Variants in GPC5 observed in about 807,000 individuals in gnomAD.
GPC5 encodes the protein glypican 5.
GPC5 carries 47 observed loss-of-function variants against 53.9 expected under a neutral mutation model. The ratio of observed to expected loss-of-function variants is 0.87; its 90% CI spans 0.69 to 1.11. GPC5 has a LOEUF of 1.11. Ranked by LOEUF, GPC5 falls within the 50% of genes most tolerant of loss-of-function variation. GPC5 has a pLI of 0.00. For missense variants in GPC5, 748 were observed against 713.1 expected (o/e 1.05, Z -0.56); for synonymous variants, 286 against 263.3 (o/e 1.09, Z -0.84).
chr13:91,663,479 AC>A (rs1594397433), intron 2 of GPC5, among the ~76,000 whole-genome samples: 1 of 152,026 alleles, frequency 6.6e-6, no homozygotes, highest in East Asian at 1.9e-4. Flanking sequence ...CTTTTTAGAG[AC>A]AGGGTCTCAC....
chr13:92,083,214 C>T (rs1380078190), intron 6 of GPC5, among the ~76,000 whole-genome samples: 1 of 152,108 alleles, frequency 6.6e-6, no homozygotes, highest in Non-Finnish European at 1.5e-5. Context: ...GGGATTCTAG[C>T]TTTGTCTGCT....
At chr13:91,428,492 A>C (rs80219323) in intron 1 of GPC5, among the ~76,000 whole-genome samples, 5,454 of 152,314 alleles carry the variant, frequency 0.036, 143 homozygotes, top group Middle Eastern at 0.068. Context: ...CCCAGGACCA[A>C]TCAGGGGCTG....
intron 6 of GPC5, among the ~76,000 whole-genome samples, chr13:92,018,272 C>A (rs1346163469): frequency 6.6e-6 from 1 of 151,792 alleles, no homozygotes; most frequent in East Asian, 1.9e-4. Flanking sequence ...TCCATAATAT[C>A]CTCAGATTAT....
At chr13:91,954,153 A>G (rs575002686) in intron 6 of GPC5, among the ~76,000 whole-genome samples, 1 of 152,320 alleles carries the variant, frequency 6.6e-6, no homozygotes, top group Admixed American at 6.5e-5. Context: ...AGGTTTTGCA[A>G]CCATTTTAGG....
chr13:91,572,457 A>G (rs1032616237), intron 2 of GPC5, among the ~76,000 whole-genome samples: 2 of 152,120 alleles, frequency 1.3e-5, no homozygotes. Context: ...GTGTAGTGCC[A>G]GCATCTGCTT....
intron 5 of GPC5, among the ~76,000 whole-genome samples, chr13:91,875,048 T>A (rs1391795874): frequency 1.3e-5 from 2 of 152,176 alleles, no homozygotes; most frequent in African/African-American, 4.8e-5. Context: ...TCAGGTAATC[T>A]CAAATCTCCA....
chr13:92,499,074 G>A (rs914359530), intron 7 of GPC5, among the ~76,000 whole-genome samples: 2 of 151,980 alleles, frequency 1.3e-5, no homozygotes, highest in Admixed American at 6.6e-5. Context: ...AAGAAAAATA[G>A]AGAGGATCCT....
chr13:91,400,818 T>A (rs1326680727), intron 1 of GPC5, among the ~76,000 whole-genome samples: 1 of 152,216 alleles, frequency 6.6e-6, no homozygotes, highest in East Asian at 1.9e-4. Flanking sequence ...AGATGAACTT[T>A]CCAGAGTATC....
chr13:91,725,175 TG>T (rs1375008113), intron 3 of GPC5: 2 of 152,178 alleles, frequency 1.3e-5, no homozygotes, highest in Non-Finnish European at 2.9e-5. Flanking sequence ...CAAGGTGAGA[TG>T]GGAACTTGAA....
chr13:92,410,194 T>C (rs1480040269), intron 7 of GPC5, among the ~76,000 whole-genome samples: 2 of 152,144 alleles, frequency 1.3e-5, no homozygotes, highest in Non-Finnish European at 2.9e-5. Context: ...AGGGTTTCTG[T>C]ATTGTGTAGT....
intron 7 of GPC5, among the ~76,000 whole-genome samples, chr13:92,754,494 G>A (rs368075441): frequency 6.6e-6 from 1 of 151,762 alleles, no homozygotes; most frequent in Admixed American, 6.6e-5. Flanking sequence ...AACTTTAAAT[G>A]TAAATGGACT....
At chr13:92,826,652 TC>T (rs1877858091) in intron 7 of GPC5, among the ~76,000 whole-genome samples, 1 of 152,132 alleles carries the variant, frequency 6.6e-6, no homozygotes, top group Non-Finnish European at 1.5e-5. Flanking sequence ...AATTTTGGGG[TC>T]ATTAGGTACA....
intron 7 of GPC5, among the ~76,000 whole-genome samples, chr13:92,255,973 T>C (rs1467590575): frequency 6.6e-6 from 1 of 152,108 alleles, no homozygotes; most frequent in African/African-American, 2.4e-5. Context: ...TAATTTAGAA[T>C]GAAAATAATT....
At chr13:92,264,490 C>A (rs1039774744) in intron 7 of GPC5, among the ~76,000 whole-genome samples, 26 of 151,940 alleles carry the variant, frequency 1.7e-4, no homozygotes, top group African/African-American at 5.6e-4. Context: ...GAAGCACACA[C>A]ACATACACAC....
intron 7 of GPC5, among the ~76,000 whole-genome samples, chr13:92,777,022 CAAAAAAAAAAAAA>C (rs1243297680): frequency 7.5e-5 from 2 of 26,684 alleles, no homozygotes; most frequent in Non-Finnish European, 1.3e-4. Context: ...GACCCTGCCT[CAAAAAAAAAAAAA>C]AAAAAAAAAA....
intron 7 of GPC5, among the ~76,000 whole-genome samples, chr13:92,760,937 T>C (rs2138736846): frequency 6.6e-6 from 1 of 152,302 alleles, no homozygotes; most frequent in South Asian, 2.1e-4. Flanking sequence ...TATTGTTTAA[T>C]TTCCACATAT....
chr13:92,399,550 A>G (rs1875460528), intron 7 of GPC5, among the ~76,000 whole-genome samples: 3 of 152,130 alleles, frequency 2.0e-5, no homozygotes, highest in Admixed American at 1.3e-4. Flanking sequence ...ACACACACAC[A>G]AACTAAAACC....
At chr13:91,495,483 T>A (rs945544771) in intron 2 of GPC5, among the ~76,000 whole-genome samples, 1 of 152,224 alleles carries the variant, frequency 6.6e-6, no homozygotes, top group Non-Finnish European at 1.5e-5. Context: ...TCTTCTCTGA[T>A]GTCATCCATA....
chr13:92,573,952 C>T (rs542837688), intron 7 of GPC5, among the ~76,000 whole-genome samples: 17 of 152,256 alleles, frequency 1.1e-4, no homozygotes, highest in East Asian at 5.8e-4. Context: ...CGAAGTTCTC[C>T]GTCATCCAGT....
Sources: allele counts gnomAD v4.1 joint callset (sites outside exome capture counted in the v4.1 genomes callset), GRCh38; gene constraint gnomAD v4.1.1; transcripts MANE v1.5; gene names NCBI Gene and HGNC (gene_info 2026-07-23, HGNC 2026-07-21).